MMP26: variants seen among roughly 807,000 people sequenced by gnomAD.
MMP26 encodes the protein matrix metallopeptidase 26, also known as matrix metalloproteinase-26.
A neutral mutation model predicts 31.0 loss-of-function variants in MMP26; 33 were observed. That is an observed-to-expected ratio of 1.06 (90% confidence interval 0.81 to 1.42). The LOEUF (loss-of-function observed/expected upper bound fraction) is 1.42. Ranked by LOEUF, MMP26 falls within the 40% of genes most tolerant of loss-of-function variation. MMP26 has a pLI of 0.00. For missense variants in MMP26, 347 were observed against 316.1 expected, an observed-to-expected ratio of 1.10 and a Z score of -0.74; for synonymous variants, 122 against 114.9, an observed-to-expected ratio of 1.06 and a Z score of -0.40.
intron 2 of MMP26, among the ~76,000 whole-genome samples, chr11:4,987,468 G>A (rs1589825167): frequency 6.6e-6 from 1 of 151,734 alleles, no homozygotes; most frequent in Non-Finnish European, 1.5e-5. Context: ...GCCCAGGCTG[G>A]AGTGCAGTGG....
At chr11:4,882,358 A>G (rs1453058007) in intron 2 of MMP26, 1 of 1,613,904 alleles carries the variant, frequency 6.2e-7, no homozygotes, top group East Asian at 2.2e-5. Flanking sequence ...TCTGCATTAG[A>G]CCAGCAGTTT....
chr11:4,779,303 A>G (rs1365424569), intron 2 of MMP26, among the ~76,000 whole-genome samples: 5 of 150,114 alleles, frequency 3.3e-5, no homozygotes, highest in Non-Finnish European at 7.5e-5. Context: ...CTTTTTTCAT[A>G]TGGAGAATAA....
intron 1 of MMP26, among the ~76,000 whole-genome samples, chr11:4,731,144 A>T (rs1341445696): frequency 1.3e-5 from 2 of 152,022 alleles, no homozygotes; most frequent in Non-Finnish European, 2.9e-5. Flanking sequence ...AGGTTTCACT[A>T]TGTTGGCCAG....
At chr11:4,815,124 C>T (rs757077040) in intron 2 of MMP26, among the ~76,000 whole-genome samples, 2 of 152,140 alleles carry the variant, frequency 1.3e-5, no homozygotes, top group Non-Finnish European at 2.9e-5. Flanking sequence ...CAACCTTTCA[C>T]TAAATACACA....
At chr11:4,981,532 A>G (rs1589823757) in intron 2 of MMP26, among the ~76,000 whole-genome samples, 2 of 152,164 alleles carry the variant, frequency 1.3e-5, no homozygotes, top group African/African-American at 2.4e-5. Context: ...GGCACTTACT[A>G]TAAAAGGAGC....
intron 2 of MMP26, chr11:4,768,950 A>C: frequency 7.0e-6 from 10 of 1,431,702 alleles, no homozygotes; most frequent in Non-Finnish European, 7.5e-6. Context: ...CATTCATGCC[A>C]GGTTTGTATC....
intron 2 of MMP26, among the ~76,000 whole-genome samples, chr11:4,850,050 G>A (rs1849953598): frequency 6.6e-6 from 1 of 152,092 alleles, no homozygotes; most frequent in Admixed American, 6.6e-5. Flanking sequence ...GTTAACTATA[G>A]TCACCCTACT....
chr11:4,986,934 T>TCTCTCC (rs1564819730), intron 2 of MMP26, among the ~76,000 whole-genome samples: 20 of 98,822 alleles, frequency 2.0e-4, no homozygotes, highest in South Asian at 6.3e-4. Context: ...TCTCTCTCCC[T>TCTCTCC]CTCTCTCTCT....
At chr11:4,906,816 T>C (rs1345441139) in intron 2 of MMP26, among the ~76,000 whole-genome samples, 1 of 152,098 alleles carries the variant, frequency 6.6e-6, no homozygotes, top group Non-Finnish European at 1.5e-5. Context: ...TAGGGCCAGA[T>C]GCAGTGGCTC....
intron 2 of MMP26, among the ~76,000 whole-genome samples, chr11:4,934,144 G>A (rs1225731350): frequency 2.3e-5 from 3 of 129,668 alleles, no homozygotes; most frequent in Admixed American, 1.6e-4. Context: ...CTGAGGAATC[G>A]CCACACTGAC....
intron 2 of MMP26, among the ~76,000 whole-genome samples, chr11:4,890,818 A>C (rs1850608177): frequency 6.6e-6 from 1 of 151,970 alleles, no homozygotes; most frequent in Admixed American, 6.6e-5. Context: ...ACTTGCATAC[A>C]TCCCTGTTAA....
At chr11:4,897,563 T>C (rs1850727791) in intron 2 of MMP26, among the ~76,000 whole-genome samples, 1 of 152,242 alleles carries the variant, frequency 6.6e-6, no homozygotes, top group Non-Finnish European at 1.5e-5. Context: ...TTCTTTGTTA[T>C]AGCTTTCTCA....
At chr11:4,836,130 C>T (rs2133484585) in intron 2 of MMP26, among the ~76,000 whole-genome samples, 1 of 152,086 alleles carries the variant, frequency 6.6e-6, no homozygotes, top group South Asian at 2.1e-4. Flanking sequence ...TAATTTAACA[C>T]CTCCTAGAAA....
chr11:4,923,564 C>G lies in MMP26; in HGVS notation c.-144-64504C>G, dbSNP rs141068486. ...ACCAAAGCGATGCACAAGAGACAAG[C>G]CAATCATGGGGATGTAGAAGAGCAG... is the stretch of plus-strand genomic sequence containing the variant. On this transcript the variant is annotated intron_variant, in intron 2 of 7. Transcript: ENST00000380390. The G allele has an allele frequency of 1.2e-5, 19 of 1,613,964 alleles. 1 individual carries two copies. In the Admixed American group the frequency reaches 2.3e-4, roughly 20 times the overall value.
At chr11:4,838,832 T>C (rs1489600005) in intron 2 of MMP26, among the ~76,000 whole-genome samples, 1 of 152,140 alleles carries the variant, frequency 6.6e-6, no homozygotes, top group Non-Finnish European at 1.5e-5. Context: ...AGAAACACTT[T>C]TTTAAAAACA....
At chr11:4,770,321 T>A (rs1375588294) in intron 2 of MMP26, among the ~76,000 whole-genome samples, 1 of 152,236 alleles carries the variant, frequency 6.6e-6, no homozygotes, top group African/African-American at 2.4e-5. Context: ...CTTAAAAATA[T>A]CCATGGTTCT....
intron 1 of MMP26, among the ~76,000 whole-genome samples, chr11:4,748,575 T>C (rs1398484405): frequency 1.0e-5 from 1 of 98,968 alleles, no homozygotes; most frequent in African/African-American, 5.1e-5. Context: ...AAACAGCACA[T>C]CAAAAAAAAA....
intron 2 of MMP26, chr11:4,875,800 T>A (rs1363475996): frequency 6.6e-6 from 1 of 152,154 alleles, no homozygotes. Context: ...AAGATACGGA[T>A]GAGGACATCT....
rs577567723 is a variant in MMP26, at chr11:4,963,038, G to A, written c.-144-25030G>A. Reference sequence around the variant, plus strand: ...AGATGCTTTCCCATTAGCCAAGAAAGCCCTGGGGATTCCAACTCAGCAGAA... The same window carrying A: ...AGATGCTTTCCCATTAGCCAAGAAAACCCTGGGGATTCCAACTCAGCAGAA... On this transcript the variant is annotated intron_variant, in intron 2 of 7. Transcript: ENST00000380390. Among the ~76,000 whole-genome samples the A allele has an allele frequency of 7.9e-5, 12 of 152,250 alleles. No individual in the cohort carries two copies. The South Asian group carries it at 2.5e-3, about 32-fold the overall frequency.
Sources: allele counts gnomAD v4.1 joint callset (sites outside exome capture counted in the v4.1 genomes callset), GRCh38; gene constraint gnomAD v4.1.1; transcripts MANE v1.5; gene names NCBI Gene and HGNC (gene_info 2026-07-23, HGNC 2026-07-21).